Variants in PCNX3 observed in about 807,000 individuals in gnomAD.
PCNX3 encodes pecanex-like protein 3.
A neutral mutation model predicts 207.2 loss-of-function variants in PCNX3; 58 were observed. The ratio of observed to expected loss-of-function variants is 0.28; its 90% confidence interval spans 0.23 to 0.35. PCNX3 has a LOEUF of 0.35. Ranked by LOEUF, PCNX3 falls within the 10% of genes least tolerant of loss-of-function variation. The probability of loss-of-function intolerance (pLI) is 1.00; values close to 1 mark genes in which losing one functional copy is unlikely to be tolerated. For missense variants in PCNX3, 2,410 were observed against 2,774.4 expected (o/e 0.87, Z 2.95); for synonymous variants, 1,337 against 1,183.5 (o/e 1.13, Z -2.66).
chr11:65,617,886 G>C (rs1162792762), intron 5 of PCNX3, 54 bp from the exon 6 acceptor site: 1 of 1,503,366 alleles, frequency 6.7e-7, no homozygotes, highest in African/African-American at 1.4e-5. Flanking sequence ...TTAACCACTA[G>C]TTTGTTTTGC....
chr11:65,629,514 T>C lies in PCNX3; in HGVS notation c.4001-6T>C. On this transcript the variant is annotated splice_polypyrimidine_tract_variant and splice_region_variant and intron_variant, in intron 25 of 34. Transcript: ENST00000355703. The stretch of plus-strand genomic sequence containing the variant: ...TGTCCATTTGCCCGTCTGTTCTGGG[T>C]CTTAGGCGCTGATGACAACAACCTC... 1 of 1,613,436 alleles carries C rather than the reference T, an allele frequency of 6.2e-7. No individual in the cohort carries two copies. Among genetic ancestry groups the C allele is most frequent in the Non-Finnish European group, 8.5e-7 (1 of 1,179,716 alleles).
At chr11:65,630,241 C>A in intron 26 of PCNX3, 110 bp from the exon 27 acceptor site, 2 of 1,442,854 alleles carry the variant, frequency 1.4e-6, no homozygotes, top group Non-Finnish European at 1.9e-6. Context: ...CCCCTGGCGT[C>A]CAAGGGGGTG....
chr11:65,620,756 C>T (rs973414210), intron 9 of PCNX3, 75 bp from the exon 10 acceptor site: 21 of 1,545,888 alleles, frequency 1.4e-5, no homozygotes, highest in Admixed American at 9.7e-5. Context: ...CCTGCCTGGC[C>T]TTGGCCTCGG....
At chr11:65,617,884 T>G in intron 5 of PCNX3, 56 bp from the exon 6 acceptor site, 1 of 1,497,158 alleles carries the variant, frequency 6.7e-7, no homozygotes, top group Non-Finnish European at 8.9e-7. Flanking sequence ...CCTTAACCAC[T>G]AGTTTGTTTT....
intron 10 of PCNX3, among the ~76,000 whole-genome samples, chr11:65,622,040 A>G (rs1173741429): frequency 2.6e-5 from 4 of 151,880 alleles, no homozygotes; most frequent in Non-Finnish European, 5.9e-5. Context: ...ACCTGGAGAG[A>G]GGAGGAGCCC....
In PCNX3 at chr11:65,635,727, C is replaced by A. The variant is rs1301134970; in HGVS notation, c.5383C>A (p.Pro1795Thr). The change falls in exon 32 of 35, where the codon CCC becomes ACC. Residue 1795 changes from proline to threonine, a missense_variant. Pro to Thr is a conservative substitution (Grantham distance 38, BLOSUM62 -1). Coordinates refer to ENST00000355703, the MANE Select transcript of PCNX3 (RefSeq NM_032223.4). The surrounding 1 kb of genome is among the most constrained non-coding windows in gnomAD (Gnocchi z 9.9). ...PLTTSLAGSH[P>T]QLRALWGGPI... ...CACCACCTCGCTGGCTGGCAGCCAC[C>A]CCCAGCTACGGGCACTGTGGGGTGG... The A allele has an allele frequency of 1.9e-5, 30 of 1,606,338 alleles. No homozygotes were observed. Among genetic ancestry groups the A allele is most frequent in the Non-Finnish European group, 2.4e-5 (28 of 1,177,018 alleles).
chr11:65,622,161 T>C (rs975676831), intron 10 of PCNX3, 84 bp from the exon 11 acceptor site: 64 of 1,366,684 alleles, frequency 4.7e-5, no homozygotes, highest in Non-Finnish European at 6.0e-5. Context: ...CAGTAGACCA[T>C]GTGGGGGGTG....
chr11:65,619,158 GTCAGC>G, intron 6 of PCNX3, 91 bp downstream of exon 6: 2 of 1,073,134 alleles, frequency 1.9e-6, no homozygotes, highest in Non-Finnish European at 2.7e-6. Context: ...CCTGGTCAGT[GTCAGC>G]TCAGCCTCGG....
rs1420237712 is a variant in PCNX3 at position 65,619,748 on chromosome 11, C to T, written c.1830-6C>T. 3.2e-6 allele frequency: 5 copies of T among 1,564,316 alleles called. No individual in the cohort carries two copies. The highest frequency in any genetic ancestry group is 1.7e-4 in the Middle Eastern group (1 of 6,010). On this transcript the variant is annotated splice_polypyrimidine_tract_variant and splice_region_variant and intron_variant, in intron 7 of 34. Coordinates refer to ENST00000355703, the MANE Select transcript of PCNX3 (RefSeq NM_032223.4). The stretch of plus-strand genomic sequence containing the variant: ...CTGGCGCTGACCTGGGGCTGACCCT[C>T]TCCAGCAGCCTGCAGGAAGCTCAGC...
chr11:65,618,614 T>C lies in PCNX3; in HGVS notation c.1252T>C (p.Phe418Leu). 2 of 1,612,638 alleles carry C rather than the reference T, an allele frequency of 1.2e-6. No homozygotes were observed. The highest frequency in any genetic ancestry group is 1.7e-6 in the Non-Finnish European group (2 of 1,179,800). The change falls in exon 6 of 35, where the codon TTC becomes CTC. Residue 418 changes from phenylalanine (F) to leucine (L), a missense_variant. Transcript: ENST00000355703. ...PRRPLLEGGG[F>L]FEDEDTSEGS... ...ACGGCCCCTGCTTGAAGGTGGGGGC[T>C]TCTTTGAGGATGAAGACACTAGTGA...
Position 65,619,066 on chromosome 11 carries a change from A to T in PCNX3, c.1704A>T (p.Gly568=). ...TGCAGGAGGAAGGTGCTGTGGGGGG[A>T]GGTGAGTGCTTGCTCTAGAGGCAGG... ...GELQEEGAVG[G]AAEETGRRDR... Residue 568 remains glycine (G), a splice_region_variant and synonymous_variant, in exon 6 of 35, where the codon GGA becomes GGT. Transcript: ENST00000355703. 1 of 1,578,900 alleles carries T rather than the reference A, an allele frequency of 6.3e-7. No individual in the cohort carries two copies. The highest frequency in any genetic ancestry group is 8.5e-7 in the Non-Finnish European group (1 of 1,169,918).
At position 65,618,611 on chromosome 11, in the gene PCNX3, G is replaced by C. The variant is rs996296320; in HGVS notation, c.1249G>C (p.Gly417Arg). Residue 417 changes from glycine (G) to arginine (R), a missense_variant, in exon 6 of 35, where the codon GGC (glycine) becomes CGC (arginine). By Grantham distance (125) the Gly-to-Arg change is moderately radical. Transcript: ENST00000355703. The stretch of plus-strand genomic sequence containing the variant: ...TCGACGGCCCCTGCTTGAAGGTGGG[G>C]GCTTCTTTGAGGATGAAGACACTAG... ...APRRPLLEGG[G>R]FFEDEDTSEG... The C allele has an allele frequency of 6.2e-7, 1 of 1,612,500 alleles. No homozygotes were observed. Among genetic ancestry groups the C allele is most frequent in the African/African-American group, 1.3e-5 (1 of 74,916 alleles).
intron 10 of PCNX3, 75 bp from the exon 11 acceptor site, chr11:65,622,170 T>C (rs1457258628): frequency 1.4e-6 from 2 of 1,416,230 alleles, no homozygotes; most frequent in East Asian, 5.4e-5. Flanking sequence ...ATGTGGGGGG[T>C]GGCGGGGCTG....
In PCNX3 at chr11:65,618,357, C is replaced by T. The variant is rs962921652; in HGVS notation, c.995C>T (p.Pro332Leu). 6.2e-7 allele frequency: 1 copy of T among 1,612,514 alleles called. No homozygotes were observed. Among genetic ancestry groups the T allele is most frequent in the Non-Finnish European group, 8.5e-7 (1 of 1,179,664 alleles). ...HLDSPPGGPAPEGSDTDPPSE... is the reference protein window; with the variant it reads ...HLDSPPGGPALEGSDTDPPSE... The stretch of plus-strand genomic sequence containing the variant: ...GACAGCCCCCCAGGGGGGCCAGCCC[C>T]TGAGGGCAGCGACACAGACCCACCC... Residue 332 changes from proline to leucine, a missense_variant, in exon 6 of 35, where the codon CCT becomes CTT. This residue lies in a region of PCNX3 where 1,104 missense variants were observed against 970.3 expected (regional missense o/e 1.14). Coordinates refer to ENST00000355703, the MANE Select transcript of PCNX3 (RefSeq NM_032223.4).
chr11:65,616,773 C>T (rs1314571549), intron 1 of PCNX3, 51 bp from the exon 2 acceptor site: 11 of 1,569,150 alleles, frequency 7.0e-6, no homozygotes, highest in East Asian at 2.3e-5. Context: ...CAGGTACATC[C>T]TGTGGGGGCG....
chr11:65,629,898 G>A (rs1855551692), intron 26 of PCNX3, among the ~76,000 whole-genome samples, 163 bp downstream of exon 26: 2 of 152,166 alleles, frequency 1.3e-5, no homozygotes, highest in African/African-American at 4.8e-5. Context: ...TTCCCAGTCT[G>A]AGCAATGAGG....
intron 32 of PCNX3, 82 bp from the exon 33 acceptor site, chr11:65,636,092 C>T (rs1031800345): frequency 6.5e-7 from 1 of 1,527,618 alleles, no homozygotes; most frequent in African/African-American, 1.4e-5. Context: ...ATGACTTGTC[C>T]TGGGGCTGAG....
chr11:65,619,979 C>T lies in PCNX3; in HGVS notation c.2008+47C>T, dbSNP rs769765471. Reference sequence around the variant, plus strand: ...TGGCCCAGTGCCTCCCCGCCTTCCCCCAACAGCCTGAGTCCTCCTAGCAGT... The same window carrying T: ...TGGCCCAGTGCCTCCCCGCCTTCCCTCAACAGCCTGAGTCCTCCTAGCAGT... On this transcript the variant is annotated intron_variant, in intron 8 of 34. Coordinates refer to ENST00000355703, the MANE Select transcript of PCNX3 (RefSeq NM_032223.4). 2.9e-5 allele frequency: 44 copies of T among 1,540,358 alleles called. No individual in the cohort carries two copies. The South Asian group carries it at 5.0e-4, about 17-fold the overall frequency.
intron 12 of PCNX3, 82 bp downstream of exon 12, chr11:65,623,726 A>AT: frequency 6.4e-7 from 1 of 1,558,532 alleles, no homozygotes; most frequent in Non-Finnish European, 8.7e-7. Context: ...TTTAAGGAGT[A>AT]TAAGCTGAAA....
Sources: gnomAD v4.1 joint callset for allele counts (sites outside exome capture counted in the v4.1 genomes callset) on GRCh38, gnomAD v4.1.1 for gene constraint, gnomAD v4.1.1 regional missense constraint, Gnocchi (gnomAD v3.1) non-coding constraint, MANE v1.5 for transcripts, NCBI Gene and HGNC (gene_info 2026-07-23, HGNC 2026-07-21) for gene names.